CLIC4: variants seen among roughly 807,000 people sequenced by gnomAD.
CLIC4 encodes the protein chloride intracellular channel protein 4.
Under a neutral mutation model 24.6 loss-of-function variants are expected in CLIC4, and 13 were observed. That is an observed-to-expected ratio of 0.53 (90% confidence interval 0.34 to 0.84). The LOEUF (loss-of-function observed/expected upper bound fraction) is 0.84, where lower values mean the gene tolerates loss of function less well. CLIC4 is among the 40% of genes least tolerant of loss of function. The pLI is 0.01. For synonymous variants in CLIC4, 104 were observed against 111.3 expected (o/e 0.93, Z 0.41); for missense variants, 227 against 301.7 (o/e 0.75, Z 1.83).
At chr1:24,801,216 C>G (rs1639486786) in intron 2 of CLIC4, among the ~76,000 whole-genome samples, 1 of 152,164 alleles carries the variant, frequency 6.6e-6, no homozygotes, top group Non-Finnish European at 1.5e-5. Context: ...CTATAAAGAA[C>G]TACCTGAGAC....
rs76072109 is a variant in CLIC4 at position 24,786,103 on chromosome 1, C to T, written c.73-11639C>T. Among the ~76,000 whole-genome samples the T allele has an allele frequency of 1.9e-4, 29 of 152,130 alleles. 1 individual carries two copies. The East Asian group carries it at 5.4e-3, about 28-fold the overall frequency. ...TCTATACGCTCCCCAGAAAATATGT[C>T]GAGGAAAATAATTTAATGGTCAGGA... On this transcript the variant is annotated intron_variant, in intron 1 of 5. Coordinates refer to ENST00000374379, the MANE Select transcript of CLIC4 (RefSeq NM_013943.3).
intron 4 of CLIC4, among the ~76,000 whole-genome samples, chr1:24,828,213 C>T (rs1177309822): frequency 1.3e-5 from 2 of 152,042 alleles, no homozygotes; most frequent in African/African-American, 2.4e-5. Context: ...GTCTTTTGCT[C>T]TTGATTTTTG....
rs139967537 is a variant in CLIC4 at position 24,840,877 on chromosome 1, T to C, written c.702T>C (p.Cys234=). ...GTAGGGACGAGTTCACCAATACCTG[T>C]CCCAGTGATAAGGAGGTTGAAATAG... ...AYSRDEFTNT[C]PSDKEVEIAY... is the part of the protein sequence containing the mutation. The change falls in exon 6 of 6, where the codon TGT becomes TGC. Residue 234 remains cysteine, a synonymous_variant. Transcript: ENST00000374379. The C allele has an allele frequency of 1.9e-6, 3 of 1,612,380 alleles. No homozygotes were observed. In the African/African-American group the frequency reaches 4.0e-5, roughly 22 times the overall value.
At position 24,842,515 on chromosome 1, in the gene CLIC4, G is replaced by A. The variant is rs1030175150; in HGVS notation, c.*1578G>A. 2.0e-5 allele frequency: 3 copies of A among 152,046 alleles called. No homozygotes were observed. Among genetic ancestry groups the A allele is most frequent in the African/African-American group, 7.2e-5 (3 of 41,396 alleles). The allele number at this position is 152,046 out of a possible 1,614,324, so 9.4% of individuals were successfully genotyped here. ...TCCCACTTTGATATGCTAACATTTA[G>A]TAAGCACTGGCTTTATGAAAGCGGC... is the stretch of plus-strand genomic sequence containing the variant. On this transcript the variant is annotated 3_prime_UTR_variant, in exon 6 of 6. Coordinates refer to ENST00000374379, the MANE Select transcript of CLIC4 (RefSeq NM_013943.3).
At chr1:24,827,185 C>G in intron 4 of CLIC4, 69 bp downstream of exon 4, 1 of 956,778 alleles carries the variant, frequency 1.0e-6, no homozygotes, top group East Asian at 2.5e-5. Context: ...GTTATTATGA[C>G]AGTGATTATA....
At chr1:24,837,617 A>G (rs1036328753) in intron 4 of CLIC4, among the ~76,000 whole-genome samples, 14 of 152,238 alleles carry the variant, frequency 9.2e-5, no homozygotes, top group Admixed American at 5.2e-4. Flanking sequence ...ATCTTTCTTT[A>G]ATATAGATGC....
chr1:24,752,837 C>G (rs1485732635), intron 1 of CLIC4, among the ~76,000 whole-genome samples: 1 of 152,162 alleles, frequency 6.6e-6, no homozygotes, highest in Non-Finnish European at 1.5e-5. Flanking sequence ...ATTCTTCTGC[C>G]TCAGCCTCTG....
At chr1:24,809,806 G>A (rs764989589) in intron 2 of CLIC4, among the ~76,000 whole-genome samples, 6 of 152,258 alleles carry the variant, frequency 3.9e-5, no homozygotes, top group Non-Finnish European at 5.9e-5. Context: ...TGGTCAGGAA[G>A]GAAGGAAGAA....
At chr1:24,750,599 A>T (rs1473571862) in intron 1 of CLIC4, among the ~76,000 whole-genome samples, 1 of 151,916 alleles carries the variant, frequency 6.6e-6, no homozygotes, top group Non-Finnish European at 1.5e-5. Flanking sequence ...TCCTGACCTC[A>T]GGTGATCAGC....
At chr1:24,749,188 T>C (rs1638744666) in intron 1 of CLIC4, among the ~76,000 whole-genome samples, 1 of 150,688 alleles carries the variant, frequency 6.6e-6, no homozygotes, top group East Asian at 2.0e-4. Context: ...CACCCCAGCC[T>C]GGGTGACAGA....
rs1014355577 is a variant in CLIC4 at position 24,843,716 on chromosome 1, A to G, written c.*2779A>G. 2.6e-5 allele frequency: 4 copies of G among 152,576 alleles called. No homozygotes were observed. The highest frequency in any genetic ancestry group is 6.5e-5 in the Admixed American group (1 of 15,282). 9.5% of individuals were successfully genotyped at this position (152,576 alleles called of 1,614,324 possible). A position where few individuals can be genotyped will look rare whatever the true frequency, so the allele number is the denominator to read the frequency against. On this transcript the variant is annotated 3_prime_UTR_variant, in exon 6 of 6. Coordinates refer to ENST00000374379, the MANE Select transcript of CLIC4 (RefSeq NM_013943.3). Reference sequence around the variant, plus strand: ...TTAAATCCTTGAGCAATCTGTATACAATTAAGAGATTTCTGACATTTATTC... The same window carrying G: ...TTAAATCCTTGAGCAATCTGTATACGATTAAGAGATTTCTGACATTTATTC...
intron 1 of CLIC4, among the ~76,000 whole-genome samples, chr1:24,772,641 G>T (rs887551272): frequency 6.6e-6 from 1 of 151,968 alleles, no homozygotes; most frequent in African/African-American, 2.4e-5. Flanking sequence ...GCCCGCCACC[G>T]TGTCCAGCTA....
rs184709280 is a variant in CLIC4 at position 24,773,140 on chromosome 1, T to G, written c.73-24602T>G. Among the ~76,000 whole-genome samples, 205 of 152,334 alleles carry G rather than the reference T, an allele frequency of 1.3e-3. 1 individual carries two copies. The highest frequency in any genetic ancestry group is 4.1e-3 in the African/African-American group (170 of 41,578). On this transcript the variant is annotated intron_variant, in intron 1 of 5. Coordinates refer to ENST00000374379, the MANE Select transcript of CLIC4 (RefSeq NM_013943.3). ...TTGTTTACTTAAACTGTAATCTCTC[T>G]TTTTTCACACTTCACCTGGAATGTA... is the stretch of plus-strand genomic sequence containing the variant.
At position 24,831,713 on chromosome 1, in the gene CLIC4, A is replaced by G. The variant is rs536057834; in HGVS notation, c.415+4597A>G. 2.6e-5 allele frequency among the ~76,000 whole-genome samples: 4 copies of G among 152,266 alleles called. No homozygotes were observed. In the South Asian group the frequency reaches 8.3e-4, roughly 32 times the overall value. ...GAGTGCAGTGGCACGATCTCGGCTC[A>G]CTGCAACCTCCACCTCCCGGGTTCA... On this transcript the variant is annotated intron_variant, in intron 4 of 5. Transcript: ENST00000374379.
intron 4 of CLIC4, among the ~76,000 whole-genome samples, chr1:24,827,990 A>G (rs1639803840): frequency 6.6e-6 from 1 of 152,234 alleles, no homozygotes; most frequent in Non-Finnish European, 1.5e-5. Context: ...TATTTATCAT[A>G]GTTCCAGATA....
intron 1 of CLIC4, among the ~76,000 whole-genome samples, chr1:24,795,379 G>A (rs948210674): frequency 1.3e-5 from 2 of 151,874 alleles, no homozygotes; most frequent in African/African-American, 4.8e-5. Context: ...GATATGGGCC[G>A]GGTATGGTGG....
intron 2 of CLIC4, among the ~76,000 whole-genome samples, chr1:24,801,189 A>G (rs956659857): frequency 4.6e-5 from 7 of 152,220 alleles, no homozygotes; most frequent in African/African-American, 1.7e-4. Context: ...TAAAACTATT[A>G]GTCTGTTCTC....
chr1:24,790,663 G>A (rs1639323609), intron 1 of CLIC4, among the ~76,000 whole-genome samples: 1 of 152,050 alleles, frequency 6.6e-6, no homozygotes, highest in Admixed American at 6.6e-5. Flanking sequence ...ACTGGTTAAT[G>A]TTCAAAGTCC....
At chr1:24,835,266 TA>T (rs1639875281) in intron 4 of CLIC4, among the ~76,000 whole-genome samples, 1 of 152,162 alleles carries the variant, frequency 6.6e-6, no homozygotes, top group Admixed American at 6.5e-5. Flanking sequence ...TTTTCCTAAG[TA>T]AAAAATATTA....
Sources: allele counts gnomAD v4.1 joint callset (sites outside exome capture counted in the v4.1 genomes callset), GRCh38; gene constraint gnomAD v4.1.1; transcripts MANE v1.5; gene names NCBI Gene and HGNC (gene_info 2026-07-23, HGNC 2026-07-21).